The following GAS2 variants were observed in gnomAD, a reference collection of about 807,000 sequenced individuals.
The protein encoded by GAS2 is growth arrest specific 2, also known as growth arrest-specific protein 2.
GAS2 carries 20 observed loss-of-function variants against 37.5 expected under a neutral mutation model. That is an observed-to-expected ratio of 0.53 (90% CI 0.37 to 0.77). The LOEUF (loss-of-function observed/expected upper bound fraction) is 0.77. GAS2 is among the 30% of genes least tolerant of loss of function. GAS2 has a pLI of 0.00. For missense variants in GAS2, 336 were observed against 373.4 expected (o/e 0.90, Z 0.82); for synonymous variants, 144 against 132.2 (o/e 1.09, Z -0.61).
intron 7 of GAS2, among the ~76,000 whole-genome samples, chr11:22,784,385 T>G (rs962110724): frequency 6.6e-6 from 1 of 152,138 alleles, no homozygotes; most frequent in African/African-American, 2.4e-5. Flanking sequence ...TTAACTAAAG[T>G]TCAAGGTACT....
At chr11:22,665,021 G>A (rs903735953), upstream of GAS2, among the ~76,000 whole-genome samples, 1 of 151,874 alleles carries the variant, frequency 6.6e-6, no homozygotes, top group Non-Finnish European at 1.5e-5. Context: ...AAAAATACCT[G>A]GAAGAAATGA....
intron 1 of GAS2, among the ~76,000 whole-genome samples, chr11:22,653,409 C>T (rs559049573): frequency 2.6e-5 from 4 of 152,134 alleles, no homozygotes; most frequent in Non-Finnish European, 5.9e-5. Flanking sequence ...GTGACTAGTA[C>T]ATTTTCTATG....
At chr11:22,701,518 C>A (rs1850840295) in intron 3 of GAS2, among the ~76,000 whole-genome samples, 1 of 151,794 alleles carries the variant, frequency 6.6e-6, no homozygotes, top group South Asian at 2.1e-4. Context: ...CTTGTGAGAT[C>A]AAGCTTAAAA....
At chr11:22,811,039 A>G (rs1006686493) in intron 7 of GAS2, among the ~76,000 whole-genome samples, 1 of 152,172 alleles carries the variant, frequency 6.6e-6, no homozygotes, top group African/African-American at 2.4e-5. Context: ...ATTTGCAAGA[A>G]GCCGATGACA....
At chr11:22,677,842 A>G (rs989431296) in intron 2 of GAS2, among the ~76,000 whole-genome samples, 3 of 152,186 alleles carry the variant, frequency 2.0e-5, no homozygotes, top group African/African-American at 7.2e-5. Context: ...GTTGAAGTAG[A>G]TGATCTCTAA....
chr11:22,747,454 T>G (rs115209029), intron 5 of GAS2, among the ~76,000 whole-genome samples: 2,098 of 152,184 alleles, frequency 0.014, 56 homozygotes, highest in African/African-American at 0.048. Flanking sequence ...TGAACTAGAG[T>G]CTGTTCTAAA....
At chr11:22,759,644 C>T (rs1330287575) in intron 7 of GAS2, among the ~76,000 whole-genome samples, 1 of 152,208 alleles carries the variant, frequency 6.6e-6, no homozygotes, top group Non-Finnish European at 1.5e-5. Flanking sequence ...AGTTATTTTT[C>T]AGTGACTTTG....
At chr11:22,662,333 A>G (rs1018936903), upstream of GAS2, among the ~76,000 whole-genome samples, 1 of 152,226 alleles carries the variant, frequency 6.6e-6, no homozygotes, top group Non-Finnish European at 1.5e-5. Flanking sequence ...ATGTTATTTT[A>G]ACATTGCTTT....
Position 22,717,884 on chromosome 11 carries a change from TA to T in GAS2, c.268-8406del, listed in dbSNP as rs1264312599. 5.9e-5 allele frequency among the ~76,000 whole-genome samples: 9 copies of T among 152,244 alleles called. No individual in the cohort carries two copies. In the South Asian group the frequency reaches 8.3e-4, roughly 14 times the overall value. ...ACATCTGAAAAATGCTCAACATCAC[TA>T]ATTATCAGGGAAATGCAAATCAAAA... On this transcript the variant is annotated intron_variant, in intron 3 of 7. Coordinates refer to ENST00000454584, the MANE Select transcript of GAS2 (RefSeq NM_001143830.3).
At chr11:22,682,050 G>A (rs1408412440) in intron 2 of GAS2, among the ~76,000 whole-genome samples, 2 of 151,686 alleles carry the variant, frequency 1.3e-5, no homozygotes, top group East Asian at 3.9e-4. Context: ...TTCATTTGAG[G>A]TAGTACATTT....
chr11:22,688,442 A>G (rs1850075969), intron 3 of GAS2: 1 of 152,154 alleles, frequency 6.6e-6, no homozygotes, highest in Non-Finnish European at 1.5e-5. Context: ...GAAGGGAGAA[A>G]ATAAATGCTT....
At chr11:22,687,972 G>A (rs2133955219) in intron 3 of GAS2, among the ~76,000 whole-genome samples, 1 of 152,286 alleles carries the variant, frequency 6.6e-6, no homozygotes, top group Non-Finnish European at 1.5e-5. Flanking sequence ...CTCTATTAAG[G>A]CTGTTGTGCA....
chr11:22,788,259 T>A (rs992184772), intron 7 of GAS2, among the ~76,000 whole-genome samples: 1 of 152,212 alleles, frequency 6.6e-6, no homozygotes, highest in Non-Finnish European at 1.5e-5. Flanking sequence ...AGATTTAGAA[T>A]ATGAAGAAAA....
intron 3 of GAS2, among the ~76,000 whole-genome samples, chr11:22,695,420 A>C (rs1850453922): frequency 6.6e-6 from 1 of 152,132 alleles, no homozygotes; most frequent in Non-Finnish European, 1.5e-5. Context: ...ACTTTTCTTA[A>C]CCTGGTCCAG....
intron 4 of GAS2, among the ~76,000 whole-genome samples, chr11:22,726,674 G>A (rs1852231624): frequency 1.3e-5 from 2 of 152,048 alleles, no homozygotes; most frequent in Non-Finnish European, 2.9e-5. Flanking sequence ...AGAAGTAGCA[G>A]AATTCTTTCC....
chr11:22,769,705 G>T lies in GAS2; in HGVS notation c.723+13752G>T, dbSNP rs564378950. Among the ~76,000 whole-genome samples, 16 of 152,268 alleles carry T rather than the reference G, an allele frequency of 1.1e-4. No individual in the cohort carries two copies. The South Asian group carries it at 2.7e-3, about 26-fold the overall frequency. On this transcript the variant is annotated intron_variant, in intron 7 of 7. Coordinates refer to ENST00000454584, the MANE Select transcript of GAS2 (RefSeq NM_001143830.3). ...TGAAACATATCCTTTGATTCCTATTGAAAGCCTTTCAACAAATTACCTTTC... is the reference window on the plus strand; with the variant it reads ...TGAAACATATCCTTTGATTCCTATTTAAAGCCTTTCAACAAATTACCTTTC...
rs541251414 is a variant in GAS2 at position 22,674,975 on chromosome 11, A to G, written c.106A>G (p.Met36Val). The change falls in exon 2 of 8, where the codon ATG becomes GTG. Residue 36 changes from methionine to valine, a missense_variant. By Grantham distance (21) the Met-to-Val change is conservative (BLOSUM62 1). Transcript: ENST00000454584. ...ASRHEANLLP[M>V]KEDLALWLTN... ...CAGACATGAAGCTAATTTGCTACCAATGAAAGAAGATCTGGCCTTGTGGTT... is the reference window on the plus strand; with the variant it reads ...CAGACATGAAGCTAATTTGCTACCAGTGAAAGAAGATCTGGCCTTGTGGTT... The G allele has an allele frequency of 5.3e-5, 85 of 1,613,820 alleles. No homozygotes were observed. Among genetic ancestry groups the G allele is most frequent in the South Asian group, 2.7e-4 (25 of 91,074 alleles).
intron 7 of GAS2, among the ~76,000 whole-genome samples, chr11:22,775,218 A>C (rs1379310631): frequency 6.6e-6 from 1 of 152,228 alleles, no homozygotes; most frequent in East Asian, 1.9e-4. Flanking sequence ...TAAATCATTC[A>C]GGCTGTAGTG....
chr11:22,759,517 A>G (rs1854252686), intron 7 of GAS2, among the ~76,000 whole-genome samples: 1 of 152,158 alleles, frequency 6.6e-6, no homozygotes, highest in South Asian at 2.1e-4. Flanking sequence ...TCAAAGCCAA[A>G]TTTTTGCCTG....
Sources: gnomAD v4.1 joint callset for allele counts (sites outside exome capture counted in the v4.1 genomes callset) on GRCh38, gnomAD v4.1.1 for gene constraint, MANE v1.5 for transcripts, NCBI Gene and HGNC (gene_info 2026-07-23, HGNC 2026-07-21) for gene names.